The following PLD5 variants were observed in gnomAD, a reference collection of about 807,000 sequenced individuals.
PLD5 encodes the protein inactive phospholipase D5.
In PLD5, 36 loss-of-function variants were observed where a neutral mutation model predicts 61.1. The ratio of observed to expected loss-of-function variants is 0.59; its 90% confidence interval spans 0.45 to 0.78. The LOEUF (loss-of-function observed/expected upper bound fraction) is 0.78, where lower values mean the gene tolerates loss of function less well. Among genes scored for constraint, PLD5 ranks in the 30% least tolerant of loss-of-function variants. The probability of loss-of-function intolerance (pLI) is 0.00; values close to 1 mark genes in which losing one functional copy is unlikely to be tolerated. For missense variants in PLD5, 515 were observed against 644.4 expected (o/e 0.80, Z 2.17); for synonymous variants, 243 against 242.8 (o/e 1.00, Z -0.01).
the PLD5 span, among the ~76,000 whole-genome samples, chr1:242,530,062 T>C: frequency 6.6e-6 from 1 of 151,960 alleles, no homozygotes; most frequent in South Asian, 2.1e-4. Flanking sequence ...CCCAGCTAAT[T>C]TTTGTATTTT....
chr1:242,314,136 C>T (rs1286116153), intron 2 of PLD5, among the ~76,000 whole-genome samples: 1 of 152,186 alleles, frequency 6.6e-6, no homozygotes, highest in African/African-American at 2.4e-5. Context: ...TCAACCAGAT[C>T]CTTACCAGTG....
At chr1:242,133,292 G>C (rs1415026438) in intron 5 of PLD5, among the ~76,000 whole-genome samples, 1 of 152,136 alleles carries the variant, frequency 6.6e-6, no homozygotes, top group Non-Finnish European at 1.5e-5. Context: ...CAGACTGGTT[G>C]TGGGCCACTA....
intron 1 of PLD5, among the ~76,000 whole-genome samples, chr1:242,484,794 G>A (rs1222181669): frequency 2.6e-5 from 4 of 152,086 alleles, no homozygotes; most frequent in Admixed American, 1.3e-4. Flanking sequence ...GATGAACATC[G>A]ATGCAAAAAT....
At chr1:242,515,401 T>C (rs772126991) in intron 1 of PLD5, among the ~76,000 whole-genome samples, 1 of 152,150 alleles carries the variant, frequency 6.6e-6, no homozygotes, top group Non-Finnish European at 1.5e-5. Flanking sequence ...TTAGTAGAGA[T>C]GAGGTTTCAC....
intron 5 of PLD5, among the ~76,000 whole-genome samples, chr1:242,141,329 T>C (rs995253717): frequency 1.3e-5 from 2 of 152,094 alleles, no homozygotes; most frequent in Non-Finnish European, 2.9e-5. Context: ...CCCGATGACA[T>C]TTTCCATCTT....
intron 2 of PLD5, among the ~76,000 whole-genome samples, chr1:242,295,107 G>T (rs3863741): frequency 0.86 from 130,364 of 151,462 alleles, 56,631 homozygotes; most frequent in East Asian, 0.94. Context: ...AAGTGATGGG[G>T]TTTTTTTACC....
chr1:242,386,187 A>C (rs554366243), intron 1 of PLD5, among the ~76,000 whole-genome samples: 1 of 152,240 alleles, frequency 6.6e-6, no homozygotes, highest in Admixed American at 6.5e-5. Context: ...TTTTAACTTT[A>C]TCTCTGCAAA....
At chr1:242,497,269 C>A (rs751777007) in intron 1 of PLD5, among the ~76,000 whole-genome samples, 34 of 152,166 alleles carry the variant, frequency 2.2e-4, no homozygotes, top group Non-Finnish European at 4.0e-4. Flanking sequence ...TCAATGACAC[C>A]AGATAACCTT....
intron 3 of PLD5, among the ~76,000 whole-genome samples, chr1:242,274,974 C>G (rs1388720461): frequency 6.6e-6 from 1 of 152,116 alleles, no homozygotes; most frequent in Non-Finnish European, 1.5e-5. Context: ...AATCCTACAC[C>G]TAGAAATCTA....
At chr1:242,463,731 C>T (rs76054583) in intron 1 of PLD5, among the ~76,000 whole-genome samples, 1 of 150,966 alleles carries the variant, frequency 6.6e-6, no homozygotes, top group East Asian at 1.9e-4. Flanking sequence ...TCCTCGTGTA[C>T]ACTCAGGACA....
intron 1 of PLD5, among the ~76,000 whole-genome samples, chr1:242,498,937 A>G (rs2102987766): frequency 6.6e-6 from 1 of 152,360 alleles, no homozygotes; most frequent in Middle Eastern, 3.4e-3. Flanking sequence ...AAACAAATTC[A>G]TTACAGAAAA....
intron 5 of PLD5, among the ~76,000 whole-genome samples, chr1:242,214,283 TG>T (rs1206213489): frequency 2.6e-5 from 4 of 152,198 alleles, no homozygotes. Context: ...GAACTGAGAA[TG>T]GGGCACTGAT....
intron 5 of PLD5, among the ~76,000 whole-genome samples, chr1:242,140,873 G>A (rs1664110733): frequency 6.6e-6 from 1 of 152,138 alleles, no homozygotes; most frequent in Admixed American, 6.6e-5. Flanking sequence ...GTTCCAGAGG[G>A]AGCCTCCAAG....
At chr1:242,317,777 C>T (rs1258175040) in intron 2 of PLD5, among the ~76,000 whole-genome samples, 1 of 151,192 alleles carries the variant, frequency 6.6e-6, no homozygotes, top group African/African-American at 2.4e-5. Flanking sequence ...AAAATAAACT[C>T]TATTCTCTAT....
intron 3 of PLD5, among the ~76,000 whole-genome samples, chr1:242,266,288 G>A (rs12120058): frequency 6.6e-6 from 1 of 152,138 alleles, no homozygotes; most frequent in Non-Finnish European, 1.5e-5. Context: ...GGCTGAGGCA[G>A]GAGAATTGCT....
intron 5 of PLD5, among the ~76,000 whole-genome samples, chr1:242,136,441 C>T (rs1276633342): frequency 2.6e-5 from 4 of 152,136 alleles, no homozygotes; most frequent in Non-Finnish European, 5.9e-5. Flanking sequence ...CCATACCCTC[C>T]CCATAGTGCT....
intron 1 of PLD5, among the ~76,000 whole-genome samples, chr1:242,412,155 T>C (rs930013889): frequency 2.6e-5 from 4 of 152,138 alleles, no homozygotes; most frequent in Non-Finnish European, 5.9e-5. Flanking sequence ...TAATGCTCAC[T>C]ATGAAGTCTT....
intron 1 of PLD5, among the ~76,000 whole-genome samples, chr1:242,389,800 A>G (rs919624334): frequency 2.6e-5 from 4 of 152,052 alleles, no homozygotes; most frequent in Non-Finnish European, 4.4e-5. Flanking sequence ...CATTCTCTTA[A>G]TAGCCACAAG....
At chr1:242,409,562 G>A (rs1169195364) in intron 1 of PLD5, among the ~76,000 whole-genome samples, 1 of 152,126 alleles carries the variant, frequency 6.6e-6, no homozygotes, top group Admixed American at 6.5e-5. Flanking sequence ...TGGTTTTAAG[G>A]AGCGGAGAGT....
Sources: gnomAD v4.1 joint callset for allele counts (sites outside exome capture counted in the v4.1 genomes callset) on GRCh38, gnomAD v4.1.1 for gene constraint, MANE v1.5 for transcripts, NCBI Gene and HGNC (gene_info 2026-07-23, HGNC 2026-07-21) for gene names.